The following UMAD1 variants were observed in gnomAD, a reference collection of about 807,000 sequenced individuals.
UMAD1 encodes the protein UBAP1-MVB12-associated (UMA) domain containing 1.
A neutral mutation model predicts 6.1 loss-of-function variants in UMAD1; 8 were observed. The ratio of observed to expected loss-of-function variants is 1.30; its 90% CI spans 0.76 to 2.35. The LOEUF (loss-of-function observed/expected upper bound fraction) is 2.35, where lower values mean the gene tolerates loss of function less well. Among genes scored for constraint, UMAD1 ranks in the 30% most tolerant of loss-of-function variants. The pLI is 0.00. For missense variants in UMAD1, 130 were observed against 78.4 expected, an observed-to-expected ratio of 1.66 and a Z score of -2.49; for synonymous variants, 56 against 31.4, an observed-to-expected ratio of 1.78 and a Z score of -2.61.
intron 2 of UMAD1, among the ~76,000 whole-genome samples, chr7:7,673,710 C>CTTTTT (rs1563108705): frequency 7.5e-6 from 1 of 132,504 alleles, no homozygotes. Context: ...TTTTTCCCCC[C>CTTTTT]CTTTTTTTTT....
chr7:7,705,223 G>T (rs1367684524), intron 2 of UMAD1, among the ~76,000 whole-genome samples: 5 of 152,290 alleles, frequency 3.3e-5, no homozygotes, highest in Admixed American at 1.3e-4. Context: ...CTTCCAAGAT[G>T]ATTGTAACGA....
At chr7:7,825,123 T>A (rs1288333697) in intron 3 of UMAD1, among the ~76,000 whole-genome samples, 1 of 152,072 alleles carries the variant, frequency 6.6e-6, no homozygotes, top group Non-Finnish European at 1.5e-5. Context: ...ATCTTAGAGA[T>A]GGGAATAGAG....
At chr7:7,759,856 G>A (rs1490301470) in intron 2 of UMAD1, among the ~76,000 whole-genome samples, 1 of 152,126 alleles carries the variant, frequency 6.6e-6, no homozygotes, top group Non-Finnish European at 1.5e-5. Flanking sequence ...AGACTTTCTG[G>A]GAGACAGTCT....
chr7:7,804,421 C>G (rs1782865667), intron 3 of UMAD1, among the ~76,000 whole-genome samples: 1 of 152,222 alleles, frequency 6.6e-6, no homozygotes, highest in Admixed American at 6.5e-5. Flanking sequence ...ACCTGTAATC[C>G]CAGCACTTTG....
intron 2 of UMAD1, among the ~76,000 whole-genome samples, chr7:7,690,054 T>A (rs1583739917): frequency 6.6e-6 from 1 of 152,304 alleles, no homozygotes; most frequent in East Asian, 1.9e-4. Context: ...TGATGGGAAA[T>A]AAGCTTGCCA....
At chr7:7,800,532 A>AC (rs1024989319) in intron 2 of UMAD1, among the ~76,000 whole-genome samples, 8 of 134,010 alleles carry the variant, frequency 6.0e-5, no homozygotes, top group African/African-American at 2.2e-4. Flanking sequence ...ATTTTGGTGC[A>AC]CCCATCACCT....
At chr7:7,647,403 A>G (rs931224882) in intron 1 of UMAD1, among the ~76,000 whole-genome samples, 1 of 152,216 alleles carries the variant, frequency 6.6e-6, no homozygotes, top group Non-Finnish European at 1.5e-5. Flanking sequence ...TTTAAGGCTT[A>G]TTAGGAACAT....
At chr7:7,742,948 T>C (rs1393066693) in intron 2 of UMAD1, among the ~76,000 whole-genome samples, 1 of 152,234 alleles carries the variant, frequency 6.6e-6, no homozygotes, top group Non-Finnish European at 1.5e-5. Flanking sequence ...AAAAGATTTG[T>C]ATAGAAATAT....
In UMAD1 at chr7:7,699,059, G is replaced by A. The variant is rs536518472; in HGVS notation, c.82+25606G>A. Among the ~76,000 whole-genome samples, 118 of 138,130 alleles carry A rather than the reference G, an allele frequency of 8.5e-4. 1 individual carries two copies. In the East Asian group the frequency reaches 0.02, roughly 24 times the overall value. 90.6% of individuals were successfully genotyped at this position (138,130 alleles called of 152,430 possible). On this transcript the variant is annotated intron_variant, in intron 2 of 3. Coordinates refer to ENST00000682710, the MANE Select transcript of UMAD1 (RefSeq NM_001302348.2). ...TTGTGTGTGTGTGTGTGGGGGGGGG[G>A]TAGATACCAGGTTTGCTATGTTGCC...
intron 2 of UMAD1, among the ~76,000 whole-genome samples, chr7:7,723,447 G>C (rs1000918672): frequency 2.2e-4 from 34 of 152,186 alleles, no homozygotes; most frequent in African/African-American, 8.0e-4. Context: ...CTATGAGCGA[G>C]CTGGAAATGC....
At position 7,838,116 on chromosome 7, in the gene UMAD1, A is replaced by G. The variant is rs146313095; in HGVS notation, c.156+36373A>G. Among the ~76,000 whole-genome samples, 43 of 152,314 alleles carry G rather than the reference A, an allele frequency of 2.8e-4. No homozygotes were observed. The East Asian group carries it at 7.9e-3, about 28-fold the overall frequency. On this transcript the variant is annotated intron_variant, in intron 3 of 3. Coordinates refer to ENST00000682710, the MANE Select transcript of UMAD1 (RefSeq NM_001302348.2). ...AGGTTGGAATCTACTTCTTTTAGTAATTGATTTATTGAATAAACCAGGGAT... is the reference window on the plus strand; with the variant it reads ...AGGTTGGAATCTACTTCTTTTAGTAGTTGATTTATTGAATAAACCAGGGAT...
At chr7:7,733,978 CT>C (rs1258339862) in intron 2 of UMAD1, among the ~76,000 whole-genome samples, 1 of 151,882 alleles carries the variant, frequency 6.6e-6, no homozygotes, top group Admixed American at 6.6e-5. Context: ...AATGTAATCT[CT>C]TTTCATTTTT....
intron 2 of UMAD1, among the ~76,000 whole-genome samples, chr7:7,713,663 AGTTGGTT>A (rs1399603445): frequency 1.3e-5 from 2 of 151,248 alleles, no homozygotes; most frequent in African/African-American, 4.9e-5. Flanking sequence ...TGACTTTTTA[AGTTGGTT>A]GTTTGTCCTT....
intron 2 of UMAD1, among the ~76,000 whole-genome samples, chr7:7,735,016 G>A (rs1279857406): frequency 6.6e-6 from 1 of 151,926 alleles, no homozygotes; most frequent in African/African-American, 2.4e-5. Flanking sequence ...TGTGAACAGG[G>A]TATTATTTTA....
chr7:7,787,911 C>G (rs1182525471), intron 2 of UMAD1, among the ~76,000 whole-genome samples: 2 of 152,174 alleles, frequency 1.3e-5, no homozygotes, highest in Admixed American at 6.5e-5. Flanking sequence ...TTTCCTATTA[C>G]CAAAGTGTAT....
chr7:7,824,035 A>G (rs1583852515), intron 3 of UMAD1, among the ~76,000 whole-genome samples: 1 of 152,144 alleles, frequency 6.6e-6, no homozygotes. Flanking sequence ...AAAAGTGACT[A>G]TTCCAAACAA....
intron 2 of UMAD1, among the ~76,000 whole-genome samples, chr7:7,796,906 A>G (rs1003903165): frequency 6.6e-6 from 1 of 152,134 alleles, no homozygotes; most frequent in Non-Finnish European, 1.5e-5. Flanking sequence ...AAAAGATTTG[A>G]GCTTTCTTCA....
At chr7:7,740,396 C>T (rs1195307808) in intron 2 of UMAD1, among the ~76,000 whole-genome samples, 2 of 152,176 alleles carry the variant, frequency 1.3e-5, no homozygotes, top group Non-Finnish European at 2.9e-5. Flanking sequence ...GTCTATAAAT[C>T]CTTAAAAAAC....
Position 7,656,463 on chromosome 7 carries a change from C to G in UMAD1, c.-64+15642C>G, listed in dbSNP as rs531844059. On this transcript the variant is annotated intron_variant, in intron 1 of 3. Coordinates refer to ENST00000682710, the MANE Select transcript of UMAD1 (RefSeq NM_001302348.2). ...GTATTTCTTCTAATGCTATTCCTCC[C>G]CTAGCCTTCCACCCCATGACAGGCC... Among the ~76,000 whole-genome samples, 3 of 152,258 alleles carry G rather than the reference C, an allele frequency of 2.0e-5. No individual in the cohort carries two copies. The East Asian group carries it at 5.8e-4, about 29-fold the overall frequency.
Sources: gnomAD v4.1 joint callset for allele counts (sites outside exome capture counted in the v4.1 genomes callset) on GRCh38, gnomAD v4.1.1 for gene constraint, MANE v1.5 for transcripts, NCBI Gene and HGNC (gene_info 2026-07-23, HGNC 2026-07-21) for gene names.